Variants in ZBTB16 observed in about 807,000 individuals in gnomAD.
ZBTB16 encodes zinc finger and BTB domain-containing protein 16.
Under a neutral mutation model 56.8 loss-of-function variants are expected in ZBTB16, and 8 were observed. The observed-to-expected ratio is 0.14, with a 90% confidence interval of 0.08 to 0.25. ZBTB16 has a LOEUF of 0.25. ZBTB16 is among the 10% of genes least tolerant of loss of function. The pLI is 1.00. For synonymous variants in ZBTB16, 363 were observed against 368.5 expected (o/e 0.98, Z 0.17); for missense variants, 625 against 903.0 (o/e 0.69, Z 3.95).
intron 4 of ZBTB16, among the ~76,000 whole-genome samples, chr11:114,218,018 A>C (rs558931788): frequency 6.6e-6 from 1 of 152,312 alleles, no homozygotes; most frequent in Non-Finnish European, 1.5e-5. Flanking sequence ...TCTTGTGAAC[A>C]GGGCCCTGGC....
chr11:114,196,200 A>G (rs1450343499), intron 4 of ZBTB16, among the ~76,000 whole-genome samples: 1 of 152,200 alleles, frequency 6.6e-6, no homozygotes, highest in Non-Finnish European at 1.5e-5. Flanking sequence ...ACCAGCCTCC[A>G]GGAGCACCAG....
chr11:114,110,259 G>T (rs776977804), intron 2 of ZBTB16, among the ~76,000 whole-genome samples: 2 of 152,038 alleles, frequency 1.3e-5, no homozygotes, highest in Non-Finnish European at 2.9e-5. Flanking sequence ...CAGACCCTAC[G>T]GTCAAAGATC....
chr11:114,228,100 A>G (rs1461311334), intron 4 of ZBTB16, among the ~76,000 whole-genome samples: 45 of 152,190 alleles, frequency 3.0e-4, no homozygotes. Context: ...GAAACCCCTG[A>G]ACTCTTCCTC....
intron 5 of ZBTB16, chr11:114,246,817 T>A: frequency 1.3e-5 from 3 of 232,928 alleles, no homozygotes; most frequent in Non-Finnish European, 1.7e-5. Context: ...GGTTGGGGAG[T>A]CAGGCTGGAG....
intron 2 of ZBTB16, among the ~76,000 whole-genome samples, chr11:114,150,460 C>A (rs1039941452): frequency 1.3e-5 from 2 of 152,076 alleles, no homozygotes; most frequent in African/African-American, 4.8e-5. Flanking sequence ...CATAGCAAGA[C>A]CTCGTCTCTA....
intron 5 of ZBTB16, among the ~76,000 whole-genome samples, chr11:114,242,962 G>C (rs1285057019): frequency 6.6e-6 from 1 of 152,184 alleles, no homozygotes; most frequent in East Asian, 1.9e-4. Context: ...GACAAGGGAG[G>C]GGGTACAAGG....
chr11:114,159,748 G>A (rs1942525008), intron 3 of ZBTB16, among the ~76,000 whole-genome samples: 1 of 152,300 alleles, frequency 6.6e-6, no homozygotes, highest in African/African-American at 2.4e-5. Flanking sequence ...TGATGTTTTA[G>A]AAGAGACATT....
intron 3 of ZBTB16, among the ~76,000 whole-genome samples, chr11:114,170,336 G>A (rs894318126): frequency 2.6e-5 from 4 of 152,244 alleles, no homozygotes; most frequent in Non-Finnish European, 5.9e-5. Context: ...GGAAGCATCC[G>A]AGGACGGTCT....
chr11:114,200,541 A>T (rs1402116865), intron 4 of ZBTB16, among the ~76,000 whole-genome samples: 2 of 152,172 alleles, frequency 1.3e-5, no homozygotes, highest in Admixed American at 1.3e-4. Context: ...GAGGAATCAC[A>T]GGCCCAGAGA....
At chr11:114,086,017 G>A (rs1939946248) in intron 2 of ZBTB16, among the ~76,000 whole-genome samples, 1 of 152,076 alleles carries the variant, frequency 6.6e-6, no homozygotes, top group Non-Finnish European at 1.5e-5. Flanking sequence ...TGATGGGGGT[G>A]GTGGTGGTAA....
intron 4 of ZBTB16, among the ~76,000 whole-genome samples, chr11:114,192,686 G>A (rs1943526008): frequency 6.6e-6 from 1 of 152,188 alleles, no homozygotes; most frequent in Admixed American, 6.5e-5. Context: ...TAGAGAAAGT[G>A]ACCTGGCTAG....
chr11:114,191,801 C>T (rs570056787), intron 4 of ZBTB16, among the ~76,000 whole-genome samples: 18 of 152,232 alleles, frequency 1.2e-4, no homozygotes, highest in African/African-American at 1.4e-4. Flanking sequence ...CACACGCATA[C>T]GTAGCTTTAC....
intron 4 of ZBTB16, among the ~76,000 whole-genome samples, chr11:114,239,175 G>A (rs553696833): frequency 1.3e-5 from 2 of 152,210 alleles, no homozygotes; most frequent in African/African-American, 4.8e-5. Context: ...CTTGCTGGGT[G>A]TATTGACACT....
rs10576984 is a variant in ZBTB16 at position 114,255,718 on chromosome 11, TAAA to T, written c.*5176_*5178del. On this transcript the variant is annotated 3_prime_UTR_variant, in exon 7 of 7. Coordinates refer to ENST00000335953, the MANE Select transcript of ZBTB16 (RefSeq NM_006006.6). ...TAATTTCAGTGTTTCTGACAAGATT[TAAA>T]AAAAAAAAAAAAGGAAAAAAAAAGA... 7.1e-4 allele frequency among the ~76,000 whole-genome samples: 102 copies of T among 143,202 alleles called. No individual in the cohort carries two copies. Among genetic ancestry groups the T allele is most frequent in the Admixed American group, 9.7e-4 (14 of 14,458 alleles). 93.9% of individuals were successfully genotyped at this position (143,202 alleles called of 152,430 possible).
intron 4 of ZBTB16, among the ~76,000 whole-genome samples, chr11:114,197,534 C>T: frequency 6.6e-6 from 1 of 152,056 alleles, no homozygotes; most frequent in East Asian, 1.9e-4. Flanking sequence ...GTGTTGGCTG[C>T]CTGCTTGCAC....
At chr11:114,123,983 CTTA>C (rs1261280390) in intron 2 of ZBTB16, among the ~76,000 whole-genome samples, 1 of 152,152 alleles carries the variant, frequency 6.6e-6, no homozygotes, top group Non-Finnish European at 1.5e-5. Context: ...CCATGAACCA[CTTA>C]TTATTTCTGA....
chr11:114,076,686 C>T (rs751455732), intron 2 of ZBTB16, among the ~76,000 whole-genome samples: 10 of 126,476 alleles, frequency 7.9e-5, no homozygotes, highest in Middle Eastern at 5.5e-3. Context: ...CAATGTGAAG[C>T]GGCTGCTAAA....
intron 2 of ZBTB16, among the ~76,000 whole-genome samples, chr11:114,070,201 C>T (rs1453051706): frequency 2.0e-5 from 3 of 146,564 alleles, no homozygotes; most frequent in Admixed American, 7.0e-5. Flanking sequence ...CTCCGCTTCC[C>T]GGGTTCACGC....
chr11:114,244,366 G>A (rs1944773794), intron 5 of ZBTB16, among the ~76,000 whole-genome samples: 1 of 150,640 alleles, frequency 6.6e-6, no homozygotes, highest in Admixed American at 6.6e-5. Context: ...AGGACAGATT[G>A]GGGGGGGCGG....
Sources: allele counts gnomAD v4.1 joint callset (sites outside exome capture counted in the v4.1 genomes callset), GRCh38; gene constraint gnomAD v4.1.1; transcripts MANE v1.5; gene names NCBI Gene and HGNC (gene_info 2026-07-23, HGNC 2026-07-21).